UST: variants seen among roughly 807,000 people sequenced by gnomAD.
UST encodes the protein uronyl 2-sulfotransferase.
In UST, 21 loss-of-function variants were observed where a neutral mutation model predicts 45.6. The ratio of observed to expected loss-of-function variants is 0.46; its 90% CI spans 0.33 to 0.66. UST has a LOEUF of 0.66. UST is among the 30% of genes least tolerant of loss of function. The pLI is 0.02. For synonymous variants in UST, 215 were observed against 200.6 expected (o/e 1.07, Z -0.61); for missense variants, 463 against 512.4 (o/e 0.90, Z 0.93).
At chr6:148,904,490 A>G (rs1263262247) in intron 2 of UST, among the ~76,000 whole-genome samples, 2 of 152,096 alleles carry the variant, frequency 1.3e-5, no homozygotes, top group Non-Finnish European at 2.9e-5. Context: ...CAATATGAAT[A>G]TTATTTAGTG....
At chr6:148,982,231 TG>T (rs1194195989) in intron 5 of UST, among the ~76,000 whole-genome samples, 3 of 151,886 alleles carry the variant, frequency 2.0e-5, no homozygotes, top group Non-Finnish European at 4.4e-5. Flanking sequence ...TCCAAGTAGG[TG>T]GGGCTACAGG....
At chr6:149,064,028 T>C (rs1273605512) in intron 7 of UST, among the ~76,000 whole-genome samples, 1 of 152,142 alleles carries the variant, frequency 6.6e-6, no homozygotes, top group Non-Finnish European at 1.5e-5. Flanking sequence ...ATCTTCATGA[T>C]CTTGTAGTAA....
At chr6:148,773,461 C>CAA (rs763596050) in intron 1 of UST, among the ~76,000 whole-genome samples, 5 of 111,916 alleles carry the variant, frequency 4.5e-5, no homozygotes, top group Admixed American at 9.2e-5. Context: ...AACTCTGTCT[C>CAA]AAAAAAAAAA....
At chr6:149,032,156 C>T (rs1364237512) in intron 7 of UST, among the ~76,000 whole-genome samples, 1 of 152,170 alleles carries the variant, frequency 6.6e-6, no homozygotes, top group Non-Finnish European at 1.5e-5. Context: ...CACTGAGTCA[C>T]TCATACCAAT....
At position 148,914,474 on chromosome 6, in the gene UST, C is replaced by T. The variant is rs367784590; in HGVS notation, c.292-26805C>T. On this transcript the variant is annotated intron_variant, in intron 2 of 7. Coordinates refer to ENST00000367463, the MANE Select transcript of UST (RefSeq NM_005715.3). The stretch of plus-strand genomic sequence containing the variant: ...TCAGGCATTAGATTCTCACAGGGAA[C>T]GTGCAACCATTAATATATCCCTTGC... Among the ~76,000 whole-genome samples, 70 of 152,296 alleles carry T rather than the reference C, an allele frequency of 4.6e-4. No individual in the cohort carries two copies. In the East Asian group the frequency reaches 6.2e-3, roughly 13 times the overall value.
rs900272950 is a variant in UST at position 148,784,038 on chromosome 6, CTG to C, written c.247+36363_247+36364del. 8.5e-4 allele frequency among the ~76,000 whole-genome samples: 129 copies of C among 152,136 alleles called. 1 individual carries two copies. The highest frequency in any genetic ancestry group is 1.8e-4 in the Non-Finnish European group (12 of 68,030). Reference sequence around the variant, plus strand: ...AATGTCAGTGATTTCTGTCCTACCTCTGTAATTTACGGCATATCACGAAACCC... The same window carrying C: ...AATGTCAGTGATTTCTGTCCTACCTCTAATTTACGGCATATCACGAAACCC... On this transcript the variant is annotated intron_variant, in intron 1 of 7. Coordinates refer to ENST00000367463, the MANE Select transcript of UST (RefSeq NM_005715.3).
At chr6:148,970,305 C>T (rs542470373) in intron 5 of UST, among the ~76,000 whole-genome samples, 75 of 152,280 alleles carry the variant, frequency 4.9e-4, no homozygotes, top group African/African-American at 1.6e-3. Context: ...TACCACCAAA[C>T]GGCAGCCATG....
At chr6:148,856,267 C>T (rs1007758656) in intron 1 of UST, among the ~76,000 whole-genome samples, 11 of 152,072 alleles carry the variant, frequency 7.2e-5, no homozygotes, top group African/African-American at 2.7e-4. Context: ...CCACCTGCCT[C>T]GGCCTCCCAA....
chr6:149,004,091 A>G lies in UST; in HGVS notation c.682-15048A>G, dbSNP rs543436587. 1.2e-3 allele frequency among the ~76,000 whole-genome samples: 180 copies of G among 152,322 alleles called. 1 individual carries two copies. Among genetic ancestry groups the G allele is most frequent in the African/African-American group, 4.1e-3 (171 of 41,574 alleles). ...AGATCATAGTATTTAATGCTATTGA[A>G]TATAGTATTTAATGTATTTAATATA... is the stretch of plus-strand genomic sequence containing the variant. On this transcript the variant is annotated intron_variant, in intron 5 of 7. Transcript: ENST00000367463.
At chr6:148,950,744 C>A (rs375244160) in intron 3 of UST, among the ~76,000 whole-genome samples, 1 of 152,240 alleles carries the variant, frequency 6.6e-6, no homozygotes, top group African/African-American at 2.4e-5. Context: ...CATTACCTCT[C>A]CATCTGAATG....
chr6:149,020,836 C>G (rs1015890797), intron 6 of UST, among the ~76,000 whole-genome samples: 9 of 152,196 alleles, frequency 5.9e-5, no homozygotes, highest in African/African-American at 2.2e-4. Flanking sequence ...TCCAAAGATT[C>G]CTCTTTAACT....
intron 1 of UST, among the ~76,000 whole-genome samples, chr6:148,882,486 C>CAA (rs397741900): frequency 0.11 from 7,877 of 73,824 alleles, 569 homozygotes; most frequent in East Asian, 0.3. Flanking sequence ...AACTCCATCT[C>CAA]AAAAAAAAAA....
At chr6:148,911,065 T>A (rs1489952031) in intron 2 of UST, among the ~76,000 whole-genome samples, 3 of 152,144 alleles carry the variant, frequency 2.0e-5, no homozygotes, top group Admixed American at 2.0e-4. Context: ...CCCTGACCCC[T>A]CCAGGGTCTC....
At chr6:149,018,141 G>A (rs1412507178) in intron 5 of UST, among the ~76,000 whole-genome samples, 1 of 152,062 alleles carries the variant, frequency 6.6e-6, no homozygotes, top group Non-Finnish European at 1.5e-5. Context: ...GAAGTATGAG[G>A]GGATTATTGT....
intron 2 of UST, among the ~76,000 whole-genome samples, chr6:148,923,795 C>T (rs1362251646): frequency 6.6e-6 from 1 of 152,106 alleles, no homozygotes; most frequent in Non-Finnish European, 1.5e-5. Flanking sequence ...TTGTCCAGGG[C>T]AGGACTTAGA....
intron 7 of UST, among the ~76,000 whole-genome samples, chr6:149,029,467 A>T (rs906403772): frequency 7.0e-6 from 1 of 143,602 alleles, no homozygotes; most frequent in Admixed American, 7.0e-5. Context: ...ATTATATATT[A>T]TATATATAAT....
intron 1 of UST, among the ~76,000 whole-genome samples, chr6:148,844,299 C>T (rs532966441): frequency 2.0e-5 from 3 of 152,264 alleles, no homozygotes; most frequent in South Asian, 2.1e-4. Flanking sequence ...ATGTTACAAG[C>T]GAGGAAAGTG....
chr6:148,992,320 C>A (rs1316889873), intron 5 of UST, among the ~76,000 whole-genome samples: 1 of 151,994 alleles, frequency 6.6e-6, no homozygotes, highest in Admixed American at 6.6e-5. Flanking sequence ...CTGGCCAACA[C>A]GGTGAAACCC....
chr6:148,883,919 G>T (rs1778867625), intron 1 of UST, among the ~76,000 whole-genome samples: 1 of 152,142 alleles, frequency 6.6e-6, no homozygotes, highest in African/African-American at 2.4e-5. Flanking sequence ...ATCACTTGAG[G>T]TCAGGAGTTC....
Sources: gnomAD v4.1 joint callset for allele counts (sites outside exome capture counted in the v4.1 genomes callset) on GRCh38, gnomAD v4.1.1 for gene constraint, MANE v1.5 for transcripts, NCBI Gene and HGNC (gene_info 2026-07-23, HGNC 2026-07-21) for gene names.